NTM: variants seen among roughly 807,000 people sequenced by gnomAD.
The protein encoded by NTM is IgLON family member 2.
NTM carries 13 observed loss-of-function variants against 42.1 expected under a neutral mutation model. The observed-to-expected ratio is 0.31, with a 90% confidence interval of 0.20 to 0.49. NTM has a LOEUF of 0.49. NTM is among the 20% of genes least tolerant of loss of function. The pLI, the probability that NTM is intolerant of heterozygous loss-of-function variation, is 0.99. For missense variants in NTM, 373 were observed against 452.8 expected, an observed-to-expected ratio of 0.82 and a Z score of 1.60; for synonymous variants, 187 against 179.2, an observed-to-expected ratio of 1.04 and a Z score of -0.35.
intron 1 of NTM, among the ~76,000 whole-genome samples, chr11:131,902,662 A>G (rs2053340021): frequency 6.6e-6 from 1 of 152,184 alleles, no homozygotes; most frequent in East Asian, 1.9e-4. Context: ...GTGTCTGTAT[A>G]TGTTTGGTGT....
intron 1 of NTM, among the ~76,000 whole-genome samples, chr11:131,785,880 G>A (rs947717784): frequency 6.6e-6 from 1 of 152,218 alleles, no homozygotes; most frequent in African/African-American, 2.4e-5. Flanking sequence ...AGCCTTTGGC[G>A]AGTGCCGGGG....
intron 1 of NTM, among the ~76,000 whole-genome samples, chr11:131,574,066 T>G (rs2057706905): frequency 6.6e-6 from 1 of 152,160 alleles, no homozygotes; most frequent in African/African-American, 2.4e-5. Context: ...GGGGAGGAGT[T>G]CGGCTGTGCA....
At chr11:132,018,636 T>C (rs1249413991) in intron 2 of NTM, among the ~76,000 whole-genome samples, 1 of 152,136 alleles carries the variant, frequency 6.6e-6, no homozygotes, top group Middle Eastern at 3.4e-3. Flanking sequence ...ACTAATGTTT[T>C]ATTAAAGAGT....
intron 1 of NTM, among the ~76,000 whole-genome samples, chr11:131,667,023 T>A (rs965720977): frequency 1.3e-5 from 2 of 152,190 alleles, no homozygotes; most frequent in African/African-American, 4.8e-5. Flanking sequence ...AGGGGAGTGC[T>A]TTGGCTGGCC....
At chr11:131,398,085 CT>C (rs1944751893) in intron 1 of NTM, among the ~76,000 whole-genome samples, 1 of 152,218 alleles carries the variant, frequency 6.6e-6, no homozygotes, top group African/African-American at 2.4e-5. Context: ...CACATGGCTA[CT>C]TTCCCCTATT....
chr11:131,978,006 G>A (rs1323045379), intron 2 of NTM, among the ~76,000 whole-genome samples: 3 of 152,166 alleles, frequency 2.0e-5, no homozygotes, highest in South Asian at 2.1e-4. Flanking sequence ...CAAGGGGGAC[G>A]CCCTTCTGCA....
chr11:132,202,244 T>C (rs2081272223), intron 3 of NTM, among the ~76,000 whole-genome samples: 1 of 152,138 alleles, frequency 6.6e-6, no homozygotes. Context: ...GACTACACGG[T>C]GGGGAATCAT....
chr11:131,930,824 G>T (rs1752567161), intron 2 of NTM, among the ~76,000 whole-genome samples: 1 of 152,120 alleles, frequency 6.6e-6, no homozygotes, highest in South Asian at 2.1e-4. Context: ...TTCATTTGAT[G>T]TTATGCATTT....
chr11:131,555,728 C>A (rs969191426), intron 1 of NTM, among the ~76,000 whole-genome samples: 6 of 152,190 alleles, frequency 3.9e-5, no homozygotes, highest in Admixed American at 1.3e-4. Flanking sequence ...AATGGCCCAG[C>A]TCCTGCCTTC....
rs1451530607 is a variant in NTM at position 132,104,967 on chromosome 11, A to G, written c.168-41315A>G. The stretch of plus-strand genomic sequence containing the variant: ...TATATATATATATATATATATATAT[A>G]TATATATATATATATATATATATAT... On this transcript the variant is annotated intron_variant, in intron 2 of 8. Transcript: ENST00000683400. 1.3e-3 allele frequency among the ~76,000 whole-genome samples: 154 copies of G among 119,460 alleles called. 5 individuals are homozygous for G. Among genetic ancestry groups the G allele is most frequent in the Admixed American group, 1.9e-3 (23 of 11,992 alleles). 78.4% of individuals were successfully genotyped at this position (119,460 alleles called of 152,430 possible).
chr11:131,761,509 C>T (rs557018419), intron 1 of NTM, among the ~76,000 whole-genome samples: 1 of 152,152 alleles, frequency 6.6e-6, no homozygotes, highest in South Asian at 2.1e-4. Context: ...TTAGTGCCCT[C>T]ATAAGAGGAG....
intron 2 of NTM, among the ~76,000 whole-genome samples, chr11:132,026,916 G>T (rs999740327): frequency 6.6e-6 from 1 of 152,190 alleles, no homozygotes; most frequent in African/African-American, 2.4e-5. Flanking sequence ...CTATCCTCAT[G>T]TTCCTTCTGT....
chr11:132,179,522 C>G (rs2077264845), intron 3 of NTM, among the ~76,000 whole-genome samples: 2 of 152,056 alleles, frequency 1.3e-5, no homozygotes, highest in African/African-American at 2.4e-5. Flanking sequence ...CCGGAAGGGC[C>G]TTGCCTTACA....
chr11:131,499,652 G>A (rs757063690), intron 1 of NTM, among the ~76,000 whole-genome samples: 2 of 150,598 alleles, frequency 1.3e-5, no homozygotes, highest in Non-Finnish European at 3.0e-5. Flanking sequence ...CGTCCCCTGT[G>A]ACTCCTCCAG....
intron 1 of NTM, among the ~76,000 whole-genome samples, chr11:131,631,545 T>C (rs938504245): frequency 2.6e-5 from 4 of 152,210 alleles, no homozygotes; most frequent in African/African-American, 7.2e-5. Context: ...ACAGTAGCAA[T>C]TGACTCACAA....
chr11:131,552,826 A>AAAAAAAT (rs1241541177), intron 1 of NTM, among the ~76,000 whole-genome samples: 24 of 152,016 alleles, frequency 1.6e-4, no homozygotes, highest in African/African-American at 5.5e-4. Context: ...TCAAAAAAAA[A>AAAAAAAT]AAAAATAATA....
rs140394656 is a variant in NTM, at chr11:132,108,161, C to G, written c.168-38121C>G. On this transcript the variant is annotated intron_variant, in intron 2 of 8. Transcript: ENST00000683400. The stretch of plus-strand genomic sequence containing the variant: ...TCTCGTAATATCCATTGTTTCTAAT[C>G]GATTCACACATTTTGTTGAGTGAAC... Among the ~76,000 whole-genome samples, 269 of 152,268 alleles carry G rather than the reference C, an allele frequency of 1.8e-3. 1 individual carries two copies. The highest frequency in any genetic ancestry group is 6.3e-3 in the African/African-American group (261 of 41,554).
At chr11:131,996,704 G>A (rs933192173) in intron 2 of NTM, among the ~76,000 whole-genome samples, 21 of 152,036 alleles carry the variant, frequency 1.4e-4, no homozygotes, top group African/African-American at 3.4e-4. Flanking sequence ...TGCTTTACCC[G>A]CCACTCTTCA....
At chr11:132,084,961 C>A (rs1359355669) in intron 2 of NTM, among the ~76,000 whole-genome samples, 2 of 152,132 alleles carry the variant, frequency 1.3e-5, no homozygotes, top group East Asian at 1.9e-4. Flanking sequence ...TCTTTTATAA[C>A]CCTTTACAAA....
Sources: gnomAD v4.1 joint callset for allele counts (sites outside exome capture counted in the v4.1 genomes callset) on GRCh38, gnomAD v4.1.1 for gene constraint, MANE v1.5 for transcripts, NCBI Gene and HGNC (gene_info 2026-07-23, HGNC 2026-07-21) for gene names.